MOXD1: variants seen among roughly 807,000 people sequenced by gnomAD.
MOXD1 encodes DBH-like monooxygenase protein 1.
In MOXD1, 62 loss-of-function variants were observed where a neutral mutation model predicts 66.6. The ratio of observed to expected loss-of-function variants is 0.93; its 90% confidence interval spans 0.76 to 1.15. The LOEUF (loss-of-function observed/expected upper bound fraction) is 1.15. Among genes scored for constraint, MOXD1 ranks in the 50% most tolerant of loss-of-function variants. The probability of loss-of-function intolerance (pLI) is 0.00; values close to 1 mark genes in which losing one functional copy is unlikely to be tolerated. For synonymous variants in MOXD1, 303 were observed against 281.9 expected (o/e 1.07, Z -0.75); for missense variants, 847 against 754.6 (o/e 1.12, Z -1.44).
chr6:132,393,089 G>T (rs557153495), intron 1 of MOXD1, among the ~76,000 whole-genome samples: 9 of 152,270 alleles, frequency 5.9e-5, no homozygotes, highest in Non-Finnish European at 1.0e-4. Context: ...GGTGGAGAGG[G>T]TATAGAATAG....
intron 4 of MOXD1, among the ~76,000 whole-genome samples, chr6:132,341,052 TAAC>T (rs1775551378): frequency 6.6e-6 from 1 of 152,236 alleles, no homozygotes; most frequent in African/African-American, 2.4e-5. Flanking sequence ...ATAGGAGTTA[TAAC>T]AATAGTCATC....
chr6:132,320,542 G>C, intron 9 of MOXD1, 87 bp downstream of exon 9: 1 of 1,121,798 alleles, frequency 8.9e-7, no homozygotes, highest in Non-Finnish European at 1.3e-6. Flanking sequence ...TTTCTAAATG[G>C]AAATGGTTTT....
At chr6:132,313,296 T>A (rs1347204370) in intron 10 of MOXD1, among the ~76,000 whole-genome samples, 2 of 152,216 alleles carry the variant, frequency 1.3e-5, no homozygotes, top group Non-Finnish European at 2.9e-5. Flanking sequence ...GTTGGAATTG[T>A]GTAAAAATGA....
intron 4 of MOXD1, among the ~76,000 whole-genome samples, chr6:132,342,900 C>T (rs755783474): frequency 2.6e-5 from 4 of 152,084 alleles, no homozygotes; most frequent in Non-Finnish European, 4.4e-5. Flanking sequence ...TCTGCCAGTC[C>T]TATGCAGGAT....
chr6:132,372,698 T>A lies in MOXD1; in HGVS notation c.580-7A>T. ...CTTTGTTTGGGATGGGGACCTGTCT[T>A]AATAAAAAGGGGAGGAAGACACAAA... On this transcript the variant is annotated splice_region_variant and splice_polypyrimidine_tract_variant and intron_variant, in intron 3 of 11. Transcript: ENST00000367963. 1 of 1,613,108 alleles carries A rather than the reference T, an allele frequency of 6.2e-7. No individual in the cohort carries two copies. Among genetic ancestry groups the A allele is most frequent in the East Asian group, 2.2e-5 (1 of 44,864 alleles).
At chr6:132,312,469 A>C (rs1485864653) in intron 10 of MOXD1, among the ~76,000 whole-genome samples, 1 of 152,112 alleles carries the variant, frequency 6.6e-6, no homozygotes, top group Admixed American at 6.5e-5. Context: ...ACTATCACTT[A>C]TGTCACTGTG....
At chr6:132,321,618 T>C (rs1775079892) in intron 8 of MOXD1, among the ~76,000 whole-genome samples, 1 of 152,188 alleles carries the variant, frequency 6.6e-6, no homozygotes, top group African/African-American at 2.4e-5. Context: ...CTCTTAAATT[T>C]GACCTCCCTG....
intron 4 of MOXD1, among the ~76,000 whole-genome samples, chr6:132,330,531 C>T (rs545842677): frequency 1.5e-4 from 23 of 152,144 alleles, no homozygotes; most frequent in Admixed American, 9.8e-4. Context: ...GGCTGGAGAC[C>T]GCTGAGTTAC....
intron 1 of MOXD1, among the ~76,000 whole-genome samples, chr6:132,398,074 TTGTC>T (rs1211017150): frequency 6.6e-6 from 1 of 152,206 alleles, no homozygotes; most frequent in Non-Finnish European, 1.5e-5. Flanking sequence ...TGAGTCTCTA[TTGTC>T]TATCATTCCA....
At chr6:132,396,520 A>T (rs1776879366) in intron 1 of MOXD1, among the ~76,000 whole-genome samples, 1 of 151,544 alleles carries the variant, frequency 6.6e-6, no homozygotes, top group Non-Finnish European at 1.5e-5. Context: ...GGAGAAAAGA[A>T]ATAATAAAGA....
intron 4 of MOXD1, among the ~76,000 whole-genome samples, chr6:132,360,625 C>G (rs1322301955): frequency 6.6e-6 from 1 of 152,218 alleles, no homozygotes; most frequent in Non-Finnish European, 1.5e-5. Flanking sequence ...TTTACTGCCA[C>G]TATCACATAG....
chr6:132,308,697 G>A (rs918929646), intron 10 of MOXD1, among the ~76,000 whole-genome samples: 4 of 152,142 alleles, frequency 2.6e-5, no homozygotes, highest in Non-Finnish European at 5.9e-5. Context: ...TCATCCCTGG[G>A]ATACAAGGCA....
intron 4 of MOXD1, among the ~76,000 whole-genome samples, chr6:132,346,031 GT>G: frequency 6.6e-6 from 1 of 151,380 alleles, no homozygotes; most frequent in Non-Finnish European, 1.5e-5. Flanking sequence ...TTGTGGGTCT[GT>G]TTTTTTGTTG....
chr6:132,362,960 G>T (rs2114644488), intron 4 of MOXD1, among the ~76,000 whole-genome samples: 1 of 152,242 alleles, frequency 6.6e-6, no homozygotes, highest in East Asian at 1.9e-4. Flanking sequence ...GTCATCCATT[G>T]TTAATGAGCA....
chr6:132,323,828 A>G (rs1283670398), intron 7 of MOXD1, 103 bp downstream of exon 7: 1 of 1,285,430 alleles, frequency 7.8e-7, no homozygotes, highest in Non-Finnish European at 1.0e-6. Context: ...GTGTGTCAAC[A>G]AGAAAGGAAT....
At chr6:132,396,242 T>C (rs1475363848) in intron 1 of MOXD1, among the ~76,000 whole-genome samples, 1 of 152,030 alleles carries the variant, frequency 6.6e-6, no homozygotes, top group African/African-American at 2.4e-5. Flanking sequence ...AGAGGAACTT[T>C]GGAAACTGCA....
intron 4 of MOXD1, among the ~76,000 whole-genome samples, chr6:132,368,165 G>A (rs898498326): frequency 1.3e-5 from 2 of 152,042 alleles, no homozygotes; most frequent in African/African-American, 4.8e-5. Context: ...TTCTAGCAAA[G>A]TATATCCAAC....
intron 10 of MOXD1, among the ~76,000 whole-genome samples, chr6:132,301,022 T>C (rs67301614): frequency 0.37 from 56,664 of 151,956 alleles, 10,871 homozygotes; most frequent in South Asian, 0.49. Context: ...AATACTTTTT[T>C]TCAAAAAGAC....
At chr6:132,372,189 G>GT (rs909283587) in intron 4 of MOXD1, among the ~76,000 whole-genome samples, 9 of 152,070 alleles carry the variant, frequency 5.9e-5, no homozygotes, top group East Asian at 1.9e-4. Context: ...TATTATAACT[G>GT]TTTTTTTATG....
Sources: gnomAD v4.1 joint callset for allele counts (sites outside exome capture counted in the v4.1 genomes callset) on GRCh38, gnomAD v4.1.1 for gene constraint, MANE v1.5 for transcripts, NCBI Gene and HGNC (gene_info 2026-07-23, HGNC 2026-07-21) for gene names.